Variants in YTHDF3 observed in about 807,000 individuals in gnomAD.
The protein encoded by YTHDF3 is YTH domain-containing family protein 3.
In YTHDF3, 9 loss-of-function variants were observed where a neutral mutation model predicts 52.5. The ratio of observed to expected loss-of-function variants is 0.17; its 90% CI spans 0.10 to 0.30. The LOEUF is 0.30. Among genes scored for constraint, YTHDF3 ranks in the 10% least tolerant of loss-of-function variants. YTHDF3 has a pLI of 1.00. For missense variants in YTHDF3, 534 were observed against 715.0 expected (o/e 0.75, Z 2.89); for synonymous variants, 274 against 243.3 (o/e 1.13, Z -1.18).
chr8:63,205,228 C>G (rs1809945652), intron 4 of YTHDF3, among the ~76,000 whole-genome samples: 1 of 152,110 alleles, frequency 6.6e-6, no homozygotes, highest in Non-Finnish European at 1.5e-5. Context: ...GCGTCTTTTT[C>G]TAAACTATAA....
intron 4 of YTHDF3, among the ~76,000 whole-genome samples, chr8:63,198,058 C>CT (rs1329795425): frequency 6.6e-6 from 1 of 152,140 alleles, no homozygotes; most frequent in Non-Finnish European, 1.5e-5. Context: ...TTGAGATAAA[C>CT]TTTCAAATCA....
chr8:63,175,731 A>G (rs958473286), intron 3 of YTHDF3: 7 of 184,670 alleles, frequency 3.8e-5, no homozygotes, highest in East Asian at 1.3e-4. Flanking sequence ...TGTCACTGCT[A>G]TATCTTCATA....
At chr8:63,169,557 A>G (rs1320047508) in intron 2 of YTHDF3, 146 bp downstream of exon 2, 9 of 857,094 alleles carry the variant, frequency 1.1e-5, no homozygotes, top group South Asian at 6.9e-5. Context: ...AAGGTAGCCA[A>G]GTTCTATCCA....
At chr8:63,176,003 C>G (rs1353295442) in intron 3 of YTHDF3, among the ~76,000 whole-genome samples, 4 of 152,070 alleles carry the variant, frequency 2.6e-5, no homozygotes, top group Non-Finnish European at 5.9e-5. Flanking sequence ...TTTATCAAAT[C>G]AAGTAATTGG....
In YTHDF3 at chr8:63,173,202, T is replaced by TTATATATATATATATATATA. The variant is rs545707272; in HGVS notation, c.50-2117_50-2116insTATATATATATATATATATA. On this transcript the variant is annotated intron_variant, in intron 2 of 4. Transcript: ENST00000539294. ...AAAAATAAGAATAACAGGATTATATTTATATATATATACAGATAAATTTTA... is the reference window on the plus strand; with the variant it reads ...AAAAATAAGAATAACAGGATTATATTTATATATATATATATATATATATATATATATACAGATAAATTTTA... Among the ~76,000 whole-genome samples the TTATATATATATATATATATA allele has an allele frequency of 1.2e-3, 149 of 125,902 alleles. 4 individuals carry two copies. The highest frequency in any genetic ancestry group is 3.9e-3 in the African/African-American group (97 of 24,794). 82.6% of individuals were successfully genotyped at this position (125,902 alleles called of 152,430 possible). A position where few individuals can be genotyped will look rare whatever the true frequency, so the allele number is the denominator to read the frequency against.
chr8:63,188,129 C>T (rs1039414121), intron 4 of YTHDF3, among the ~76,000 whole-genome samples: 5 of 151,966 alleles, frequency 3.3e-5, no homozygotes, highest in African/African-American at 9.6e-5. Flanking sequence ...GAGTTTGAAA[C>T]AACTTTTTTT....
chr8:63,175,723 TCA>T (rs2129991730), intron 3 of YTHDF3: 1 of 196,184 alleles, frequency 5.1e-6, no homozygotes, highest in South Asian at 1.3e-4. Flanking sequence ...TCTTTTAATG[TCA>T]CTGCTATATC....
Position 63,211,615 on chromosome 8 carries a change from C to A in YTHDF3, c.*1909C>A, listed in dbSNP as rs992287931. 6.6e-6 allele frequency: 1 copy of A among 152,432 alleles called. No individual in the cohort carries two copies. Among genetic ancestry groups the A allele is most frequent in the African/African-American group, 2.4e-5 (1 of 41,402 alleles). 9.4% of individuals were successfully genotyped at this position (152,432 alleles called of 1,614,324 possible). A position where few individuals can be genotyped will look rare whatever the true frequency, so the allele number is the denominator to read the frequency against. ...CCCTGAGGTTCTCTTTTTCTTGGTG[C>A]TTTATTAGCAACTCTGGATATTTTT... On this transcript the variant is annotated 3_prime_UTR_variant, in exon 5 of 5. Coordinates refer to ENST00000539294, the MANE Select transcript of YTHDF3 (RefSeq NM_152758.6).
intron 1 of YTHDF3, chr8:63,169,181 G>C (rs1183128590): frequency 1.1e-5 from 15 of 1,387,388 alleles, no homozygotes; most frequent in Non-Finnish European, 1.4e-5. Context: ...GACCGGGCGA[G>C]CTCTGGGAGA....
chr8:63,180,692 CTGAG>C (rs1474193920), intron 3 of YTHDF3, among the ~76,000 whole-genome samples: 2 of 152,252 alleles, frequency 1.3e-5, no homozygotes, highest in African/African-American at 4.8e-5. Flanking sequence ...CCATTGAGCA[CTGAG>C]TGAACCAGAC....
chr8:63,196,937 ATC>A (rs1809279213), intron 4 of YTHDF3, among the ~76,000 whole-genome samples: 1 of 152,168 alleles, frequency 6.6e-6, no homozygotes, highest in Non-Finnish European at 1.5e-5. Flanking sequence ...TAGAACAAAT[ATC>A]TCTCAGCAGG....
At chr8:63,173,275 A>G (rs1800431040) in intron 2 of YTHDF3, among the ~76,000 whole-genome samples, 1 of 139,652 alleles carries the variant, frequency 7.2e-6, no homozygotes, top group Non-Finnish European at 1.5e-5. Context: ...GCAGAGTCTC[A>G]CTCTGTACCC....
At chr8:63,201,966 A>G (rs1259976750) in intron 4 of YTHDF3, among the ~76,000 whole-genome samples, 1 of 152,106 alleles carries the variant, frequency 6.6e-6, no homozygotes, top group African/African-American at 2.4e-5. Context: ...ATTCTAATCA[A>G]CCTATGCCAC....
Position 63,169,396 on chromosome 8 carries a change from G to T in YTHDF3, c.34G>T (p.Gly12Trp). Residue 12 changes from glycine to tryptophan, a missense_variant, in exon 2 of 5, where the codon GGG becomes TGG. This residue lies in a region of YTHDF3 where 196 missense variants were observed against 299.5 expected (regional missense o/e 0.65). Coordinates refer to ENST00000539294, the MANE Select transcript of YTHDF3 (RefSeq NM_152758.6). The part of the protein sequence containing the change: ...SATSVDQRPK[G>W]QGNKVSVQNG... ...TCGTCTTGCAACACAGAGACCTAAA[G>T]GGCAAGGAAATAAAGGTGAGTTTGG... 6.2e-7 allele frequency: 1 copy of T among 1,601,894 alleles called. No homozygotes were observed. The highest frequency in any genetic ancestry group is 8.5e-7 in the Non-Finnish European group (1 of 1,173,326).
At chr8:63,191,322 C>A (rs763626720) in intron 4 of YTHDF3, among the ~76,000 whole-genome samples, 21 of 151,956 alleles carry the variant, frequency 1.4e-4, no homozygotes, top group Non-Finnish European at 2.9e-4. Context: ...GTTCTTTATT[C>A]TTTTTCTCTT....
At chr8:63,188,203 T>C (rs1033804710) in intron 4 of YTHDF3, among the ~76,000 whole-genome samples, 3 of 151,780 alleles carry the variant, frequency 2.0e-5, no homozygotes, top group East Asian at 3.9e-4. Flanking sequence ...GGTGCAGTTA[T>C]GGCGTATAGC....
At chr8:63,174,096 AATAAAAATGTTATATT>A in intron 2 of YTHDF3, among the ~76,000 whole-genome samples, 1 of 152,336 alleles carries the variant, frequency 6.6e-6, no homozygotes, top group African/African-American at 2.4e-5. Context: ...ATTTAAGGAT[AATAAAAATGTTATATT>A]ACAGAGGAAT....
intron 3 of YTHDF3, among the ~76,000 whole-genome samples, chr8:63,180,322 A>T (rs1280669573): frequency 6.7e-6 from 1 of 149,358 alleles, no homozygotes; most frequent in Non-Finnish European, 1.5e-5. Flanking sequence ...GGTGCTCCCC[A>T]CATCTCAGAC....
intron 2 of YTHDF3, among the ~76,000 whole-genome samples, chr8:63,174,377 T>C (rs898640695): frequency 1.4e-4 from 21 of 152,250 alleles, no homozygotes; most frequent in African/African-American, 4.6e-4. Flanking sequence ...TAATATTTAA[T>C]GTGATTACAT....
Sources: gnomAD v4.1 joint callset for allele counts (sites outside exome capture counted in the v4.1 genomes callset) on GRCh38, gnomAD v4.1.1 for gene constraint, gnomAD v4.1.1 regional missense constraint, MANE v1.5 for transcripts, NCBI Gene and HGNC (gene_info 2026-07-23, HGNC 2026-07-21) for gene names.